The following SEC23A variants were observed in gnomAD, a reference collection of about 807,000 sequenced individuals.
SEC23A encodes SEC23 homolog A, COPII component, also known as protein transport protein Sec23A.
A neutral mutation model predicts 103.7 loss-of-function variants in SEC23A; 56 were observed. The observed-to-expected ratio is 0.54, with a 90% CI of 0.44 to 0.67. The LOEUF (loss-of-function observed/expected upper bound fraction) is 0.67, where lower values mean the gene tolerates loss of function less well. SEC23A is among the 30% of genes least tolerant of loss of function. SEC23A has a pLI of 0.00. For missense variants in SEC23A, 784 were observed against 936.4 expected (o/e 0.84, Z 2.12); for synonymous variants, 281 against 293.0 (o/e 0.96, Z 0.42).
intron 13 of SEC23A, among the ~76,000 whole-genome samples, chr14:39,056,169 C>T (rs1177162830): frequency 6.6e-6 from 1 of 152,240 alleles, no homozygotes; most frequent in Non-Finnish European, 1.5e-5. Context: ...AGTCAGCCCC[C>T]TTTCAAAAGT....
Position 39,076,093 on chromosome 14 carries a change from A to T in SEC23A, c.829T>A (p.Cys277Ser), listed in dbSNP as rs770420745. 1 of 1,606,444 alleles carries T rather than the reference A, an allele frequency of 6.2e-7. No individual in the cohort carries two copies. Among genetic ancestry groups the T allele is most frequent in the East Asian group, 2.2e-5 (1 of 44,626 alleles). The change falls in exon 8 of 20, where the codon TGT becomes AGT. Residue 277 changes from cysteine (C) to serine (S), a missense_variant and splice_region_variant. Transcript: ENST00000307712. Reference sequence around the variant, plus strand: ...CGAGCACCAGTGTTGGGAAAAGTACACTATTAAAAAAAAAGTCAAGAGTTT... The same window carrying T: ...CGAGCACCAGTGTTGGGAAAAGTACTCTATTAAAAAAAAAGTCAAGAGTTT... Reference protein sequence around the residue: ...ALSIAVGLLECTFPNTGARIM... With the variant: ...ALSIAVGLLESTFPNTGARIM...
chr14:39,053,515 G>GTT (rs1268322979), intron 14 of SEC23A, among the ~76,000 whole-genome samples: 2 of 143,314 alleles, frequency 1.4e-5, no homozygotes, highest in African/African-American at 5.1e-5. Context: ...AATCTTTCTT[G>GTT]TTTTTTTTTT....
intron 18 of SEC23A, chr14:39,039,413 GAAGTTCAA>G (rs1885563559): frequency 7.3e-6 from 2 of 273,588 alleles, no homozygotes; most frequent in East Asian, 1.7e-4. Flanking sequence ...CACTTGGTCA[GAAGTTCAA>G]AATCCCAAAT....
chr14:39,062,580 T>C (rs1886512825), intron 12 of SEC23A, among the ~76,000 whole-genome samples: 1 of 152,156 alleles, frequency 6.6e-6, no homozygotes, highest in Non-Finnish European at 1.5e-5. Context: ...CAATATATAA[T>C]AATTATCATC....
chr14:39,036,643 G>A (rs1036352912), intron 19 of SEC23A, among the ~76,000 whole-genome samples: 1 of 152,018 alleles, frequency 6.6e-6, no homozygotes, highest in Non-Finnish European at 1.5e-5. Flanking sequence ...CCTTACCAAT[G>A]CTTAACGTCC....
chr14:39,040,649 C>G, intron 18 of SEC23A, 83 bp downstream of exon 18: 2 of 1,528,282 alleles, frequency 1.3e-6, no homozygotes, highest in African/African-American at 1.4e-5. Context: ...ATGAAGCAAT[C>G]TATTAAAATC....
chr14:39,082,132 C>T (rs1045458912), intron 7 of SEC23A, among the ~76,000 whole-genome samples: 7 of 151,778 alleles, frequency 4.6e-5, no homozygotes, highest in African/African-American at 1.2e-4. Context: ...CTAGCCAAAT[C>T]GGGGAAAACT....
chr14:39,067,132 C>T (rs774409411), intron 10 of SEC23A, 41 bp downstream of exon 10: 4 of 1,611,210 alleles, frequency 2.5e-6, no homozygotes, highest in Non-Finnish European at 3.4e-6. Flanking sequence ...TATAAGTTGT[C>T]TTTTGATAAC....
intron 19 of SEC23A, among the ~76,000 whole-genome samples, chr14:39,034,151 T>C (rs573409053): frequency 1.3e-5 from 2 of 152,192 alleles, no homozygotes; most frequent in Non-Finnish European, 1.5e-5. Context: ...CTTGAAAGAT[T>C]TGATAATGAA....
chr14:39,076,188 CAT>C, intron 7 of SEC23A, 95 bp from the exon 8 acceptor site: 1 of 939,180 alleles, frequency 1.1e-6, no homozygotes, highest in Non-Finnish European at 1.6e-6. Flanking sequence ...AAGAGAAAAG[CAT>C]ATATTTTCTA....
In SEC23A at chr14:39,091,607, A is replaced by G; in HGVS notation, c.473T>C (p.Leu158Ser). ...AAGTCCAACCAAAGCTGTAGGTGGT[A>G]AAAGACTTAATGACATCTGCATGGA... ...KESMQMSLSL[L>S]PPTALVGLIT... is the part of the protein sequence containing the mutation. The change falls in exon 5 of 20, where the codon TTA (leucine) becomes TCA (serine). Residue 158 changes from leucine (L) to serine (S), a missense_variant. By Grantham distance (145) the Leu-to-Ser change is moderately radical. Transcript: ENST00000307712. 1 of 1,613,936 alleles carries G rather than the reference A, an allele frequency of 6.2e-7. No individual in the cohort carries two copies. Among genetic ancestry groups the G allele is most frequent in the Non-Finnish European group, 8.5e-7 (1 of 1,179,860 alleles).
At position 39,053,959 on chromosome 14, in the gene SEC23A, C is replaced by T. The variant is rs1886155944; in HGVS notation, c.1659+1184G>A. On this transcript the variant is annotated intron_variant, in intron 14 of 19. Transcript: ENST00000307712. Reference sequence around the variant, plus strand: ...ACTACCTTGAGCAAAATAGTGAGACCCAGTCTCAACAAAATTTTTTTTAAA... The same window carrying T: ...ACTACCTTGAGCAAAATAGTGAGACTCAGTCTCAACAAAATTTTTTTTAAA... Among the ~76,000 whole-genome samples, 3 of 151,812 alleles carry T rather than the reference C, an allele frequency of 2.0e-5. 1 individual carries two copies. The highest frequency in any genetic ancestry group is 2.0e-4 in the Admixed American group (3 of 15,214).
intron 10 of SEC23A, among the ~76,000 whole-genome samples, chr14:39,066,245 T>A (rs191354042): frequency 6.6e-5 from 10 of 152,092 alleles, no homozygotes; most frequent in Admixed American, 5.9e-4. Flanking sequence ...CTCTGTAATT[T>A]CCCAAGCAAT....
chr14:39,076,594 T>A (rs1252856884), intron 7 of SEC23A, among the ~76,000 whole-genome samples: 1 of 151,816 alleles, frequency 6.6e-6, no homozygotes, highest in Non-Finnish European at 1.5e-5. Flanking sequence ...GGTGTTTTAC[T>A]TTTGTTTTTG....
In SEC23A at chr14:39,076,109, T is replaced by C; in HGVS notation, c.829-16A>G. ...GAAAAGTACACTATTAAAAAAAAAG[T>C]CAAGAGTTTAAAAGAAAACATATGA... On this transcript the variant is annotated splice_polypyrimidine_tract_variant and intron_variant, in intron 7 of 19. Transcript: ENST00000307712. 6.3e-7 allele frequency: 1 copy of C among 1,584,660 alleles called. No homozygotes were observed. The highest frequency in any genetic ancestry group is 8.6e-7 in the Non-Finnish European group (1 of 1,160,666).
chr14:39,038,627 G>C (rs942810887), intron 19 of SEC23A, among the ~76,000 whole-genome samples: 1 of 152,094 alleles, frequency 6.6e-6, no homozygotes, highest in East Asian at 1.9e-4. Context: ...TTACAGGCAT[G>C]AGCCACCACA....
At chr14:39,080,968 G>C (rs1321627160) in intron 7 of SEC23A, among the ~76,000 whole-genome samples, 1 of 152,120 alleles carries the variant, frequency 6.6e-6, no homozygotes, top group Non-Finnish European at 1.5e-5. Flanking sequence ...AAAAACATCA[G>C]CCAAGGTGGT....
At chr14:39,053,578 T>C (rs1027091884) in intron 14 of SEC23A, among the ~76,000 whole-genome samples, 2 of 151,674 alleles carry the variant, frequency 1.3e-5, no homozygotes, top group African/African-American at 4.8e-5. Flanking sequence ...GAGGTACTAG[T>C]ATAAAAAAAA....
At chr14:39,074,956 A>C (rs568044423) in intron 8 of SEC23A, among the ~76,000 whole-genome samples, 1 of 152,212 alleles carries the variant, frequency 6.6e-6, no homozygotes, top group East Asian at 1.9e-4. Flanking sequence ...AAATATAAAA[A>C]ATTAGCCGGG....
Sources: allele counts gnomAD v4.1 joint callset (sites outside exome capture counted in the v4.1 genomes callset), GRCh38; gene constraint gnomAD v4.1.1; transcripts MANE v1.5; gene names NCBI Gene and HGNC (gene_info 2026-07-23, HGNC 2026-07-21).